RAB3B: variants seen among roughly 807,000 people sequenced by gnomAD.
RAB3B encodes the protein ras-related protein Rab-3B.
RAB3B carries 11 observed loss-of-function variants against 20.5 expected under a neutral mutation model. The ratio of observed to expected loss-of-function variants is 0.54; its 90% confidence interval spans 0.34 to 0.89. The LOEUF is 0.89. Among genes scored for constraint, RAB3B ranks in the 40% least tolerant of loss-of-function variants. The pLI is 0.02. For synonymous variants in RAB3B, 99 were observed against 106.3 expected (o/e 0.93, Z 0.42); for missense variants, 225 against 280.9 (o/e 0.80, Z 1.42).
chr1:51,983,574 C>A (rs1052026740), intron 1 of RAB3B, among the ~76,000 whole-genome samples: 1 of 152,120 alleles, frequency 6.6e-6, no homozygotes, highest in Non-Finnish European at 1.5e-5. Context: ...CGGCTAATGA[C>A]ACATCCCTCA....
Position 51,933,441 on chromosome 1 carries a change from C to A in RAB3B, c.349G>T (p.Ala117Ser), listed in dbSNP as rs751701173. The change falls in exon 4 of 5, where the codon GCT becomes TCT. Residue 117 changes from alanine to serine, a missense_variant and splice_region_variant. Transcript: ENST00000371655. ...CAGGAGTAGGTCTTGATCTGAGTAG[C>A]CCTAAAATGAGATAGAAAGAGATAT... ...EESFNAVQDW[A>S]TQIKTYSWDN... 2 of 1,610,764 alleles carry A rather than the reference C, an allele frequency of 1.2e-6. No individual in the cohort carries two copies. Among genetic ancestry groups the A allele is most frequent in the Non-Finnish European group, 1.7e-6 (2 of 1,177,618 alleles).
intron 2 of RAB3B, among the ~76,000 whole-genome samples, chr1:51,951,260 G>A (rs1173997686): frequency 6.6e-6 from 1 of 151,880 alleles, no homozygotes; most frequent in Non-Finnish European, 1.5e-5. Flanking sequence ...CCCAGGTAAT[G>A]AGCATAGTAC....
In RAB3B at chr1:51,917,517, A is replaced by T. The variant is rs955338750; in HGVS notation, c.*2410T>A. 14 of 152,040 alleles carry T rather than the reference A, an allele frequency of 9.2e-5. No homozygotes were observed. Among genetic ancestry groups the T allele is most frequent in the Non-Finnish European group, 1.3e-4 (9 of 68,014 alleles). The allele number at this position is 152,040 out of a possible 1,614,324, so 9.4% of individuals were successfully genotyped here. ...TCTGCATTGCATCAAAGAAAGCAAC[A>T]TCTTTGTAGAGCTGACTCCTTTAAA... is the stretch of plus-strand genomic sequence containing the variant. On this transcript the variant is annotated 3_prime_UTR_variant, in exon 5 of 5. Coordinates refer to ENST00000371655, the MANE Select transcript of RAB3B (RefSeq NM_002867.4).
Position 51,917,444 on chromosome 1 carries a change from T to G in RAB3B, c.*2483A>C, listed in dbSNP as rs1169286745. On this transcript the variant is annotated 3_prime_UTR_variant, in exon 5 of 5. Coordinates refer to ENST00000371655, the MANE Select transcript of RAB3B (RefSeq NM_002867.4). ...TAACTGGCCCAGAGTCACAGTTGAT[T>G]TAATGACAGAGTCCGGGTCTCCTGA... 1 of 152,154 alleles carries G rather than the reference T, an allele frequency of 6.6e-6. No homozygotes were observed. The highest frequency in any genetic ancestry group is 2.4e-5 in the African/African-American group (1 of 41,424). 9.4% of individuals were successfully genotyped at this position (152,154 alleles called of 1,614,324 possible). A position where few individuals can be genotyped will look rare whatever the true frequency, so the allele number is the denominator to read the frequency against.
chr1:51,978,198 G>A (rs1162083990), intron 1 of RAB3B, among the ~76,000 whole-genome samples: 1 of 152,186 alleles, frequency 6.6e-6, no homozygotes, highest in African/African-American at 2.4e-5. Context: ...ATTCCTACAT[G>A]TCTGGCTTCC....
At chr1:51,981,169 T>TA (rs1244460007) in intron 1 of RAB3B, among the ~76,000 whole-genome samples, 4 of 152,212 alleles carry the variant, frequency 2.6e-5, no homozygotes, top group African/African-American at 9.6e-5. Context: ...TAGCTGGGAC[T>TA]ACAGGCATGT....
chr1:51,960,328 G>A (rs1225724248), intron 2 of RAB3B, among the ~76,000 whole-genome samples: 2 of 152,162 alleles, frequency 1.3e-5, no homozygotes, highest in African/African-American at 4.8e-5. Context: ...TTTGAGCTGG[G>A]GGCAGTAGTG....
chr1:51,983,840 A>T (rs895224347), intron 1 of RAB3B, among the ~76,000 whole-genome samples: 3 of 151,650 alleles, frequency 2.0e-5, no homozygotes, highest in African/African-American at 7.3e-5. Context: ...CACACCTGTA[A>T]TTCCAGCTAG....
intron 2 of RAB3B, among the ~76,000 whole-genome samples, chr1:51,954,860 T>A (rs1684686125): frequency 6.6e-6 from 1 of 152,230 alleles, no homozygotes; most frequent in African/African-American, 2.4e-5. Flanking sequence ...AACATAGTAC[T>A]TAAAATAGTA....
At chr1:51,977,967 A>C (rs1557977584) in intron 1 of RAB3B, among the ~76,000 whole-genome samples, 1 of 152,104 alleles carries the variant, frequency 6.6e-6, no homozygotes, top group African/African-American at 2.4e-5. Flanking sequence ...CTTCCCTTAG[A>C]TCTAATTACA....
intron 1 of RAB3B, among the ~76,000 whole-genome samples, chr1:51,985,556 C>T (rs12025093): frequency 0.018 from 2,702 of 152,276 alleles, 89 homozygotes; most frequent in East Asian, 0.13. Flanking sequence ...CTGGGCCCAG[C>T]TTTCCCAGTA....
intron 2 of RAB3B, among the ~76,000 whole-genome samples, chr1:51,957,213 G>C (rs1027889512): frequency 6.6e-6 from 1 of 152,120 alleles, no homozygotes; most frequent in African/African-American, 2.4e-5. Flanking sequence ...TCACTCTGTC[G>C]ATCTTTTCCT....
chr1:51,933,877 C>T (rs999503439), intron 3 of RAB3B, among the ~76,000 whole-genome samples: 3 of 152,206 alleles, frequency 2.0e-5, no homozygotes, highest in Non-Finnish European at 4.4e-5. Context: ...TTCTCTTCCA[C>T]AGGACTAGCA....
rs1684007683 is a variant in RAB3B at position 51,912,124 on chromosome 1, T to TTTC, written c.*7802_*7803insGAA. On this transcript the variant is annotated 3_prime_UTR_variant, in exon 5 of 5. Coordinates refer to ENST00000371655, the MANE Select transcript of RAB3B (RefSeq NM_002867.4). Reference sequence around the variant, plus strand: ...CTTTTTTTTCTTTCTTTCTTTCTTTTTTTTTTTTTTTTGAGAGGGGGACAG... The same window carrying TTTC: ...CTTTTTTTTCTTTCTTTCTTTCTTTTTTCTTTTTTTTTTTTGAGAGGGGGACAG... The TTTC allele has an allele frequency of 6.8e-6, 1 of 146,884 alleles. No individual in the cohort carries two copies. The highest frequency in any genetic ancestry group is 2.6e-5 in the African/African-American group (1 of 38,944). 9.1% of individuals were successfully genotyped at this position (146,884 alleles called of 1,614,324 possible).
chr1:51,983,895 G>A (rs1402375335), intron 1 of RAB3B, among the ~76,000 whole-genome samples: 2 of 151,980 alleles, frequency 1.3e-5, no homozygotes, highest in Non-Finnish European at 2.9e-5. Flanking sequence ...AGGAGGCGGA[G>A]GCTGCAGTGA....
At position 51,908,911 on chromosome 1, in the gene RAB3B, G is replaced by C. The variant is rs1017900348; in HGVS notation, c.*11016C>G. 1.3e-5 allele frequency: 2 copies of C among 152,206 alleles called. No individual in the cohort carries two copies. Among genetic ancestry groups the C allele is most frequent in the Non-Finnish European group, 2.9e-5 (2 of 68,082 alleles). 9.4% of individuals were successfully genotyped at this position (152,206 alleles called of 1,614,324 possible). ...AGATCATCAGGGCATGGATGGGAAA[G>C]TGCTTTGGGAACTGTAAAGTGCCTA... On this transcript the variant is annotated 3_prime_UTR_variant, in exon 5 of 5. Coordinates refer to ENST00000371655, the MANE Select transcript of RAB3B (RefSeq NM_002867.4).
chr1:51,983,448 G>T (rs1435106044), intron 1 of RAB3B, among the ~76,000 whole-genome samples: 1 of 152,134 alleles, frequency 6.6e-6, no homozygotes, highest in Admixed American at 6.5e-5. Flanking sequence ...GTACAGGTTT[G>T]CAGCCTAGGA....
intron 1 of RAB3B, among the ~76,000 whole-genome samples, chr1:51,988,051 T>C (rs1230953386): frequency 6.7e-6 from 1 of 149,716 alleles, no homozygotes; most frequent in African/African-American, 2.5e-5. Context: ...CCCACCATGG[T>C]ATTTTTTTTA....
chr1:51,918,050 C>T lies in RAB3B; in HGVS notation c.*1877G>A, dbSNP rs1684113248. On this transcript the variant is annotated 3_prime_UTR_variant, in exon 5 of 5. Coordinates refer to ENST00000371655, the MANE Select transcript of RAB3B (RefSeq NM_002867.4). Reference sequence around the variant, plus strand: ...TTCCATGTCATTATTTCAGCCAAAACAAAATATGTCCCTGTGGCCAAGCAA... The same window carrying T: ...TTCCATGTCATTATTTCAGCCAAAATAAAATATGTCCCTGTGGCCAAGCAA... The T allele has an allele frequency of 6.6e-6, 1 of 152,184 alleles. No homozygotes were observed. The highest frequency in any genetic ancestry group is 2.1e-4 in the South Asian group (1 of 4,832). 9.4% of individuals were successfully genotyped at this position (152,184 alleles called of 1,614,324 possible). A position where few individuals can be genotyped will look rare whatever the true frequency, so the allele number is the denominator to read the frequency against.
Sources: gnomAD v4.1 joint callset for allele counts (sites outside exome capture counted in the v4.1 genomes callset) on GRCh38, gnomAD v4.1.1 for gene constraint, MANE v1.5 for transcripts, NCBI Gene and HGNC (gene_info 2026-07-23, HGNC 2026-07-21) for gene names.